The following PAPSS1 variants were observed in gnomAD, a reference collection of about 807,000 sequenced individuals.
PAPSS1 encodes bifunctional 3'-phosphoadenosine 5'-phosphosulfate synthase 1.
A neutral mutation model predicts 72.0 loss-of-function variants in PAPSS1; 50 were observed. That is an observed-to-expected ratio of 0.69 (90% CI 0.55 to 0.88). The LOEUF (loss-of-function observed/expected upper bound fraction) is 0.88. Among genes scored for constraint, PAPSS1 ranks in the 40% least tolerant of loss-of-function variants. The probability of loss-of-function intolerance (pLI) is 0.00; values close to 1 mark genes in which losing one functional copy is unlikely to be tolerated. For synonymous variants in PAPSS1, 261 were observed against 263.6 expected (o/e 0.99, Z 0.09); for missense variants, 657 against 782.2 (o/e 0.84, Z 1.91).
chr4:107,714,617 G>C (rs1430435435), intron 1 of PAPSS1, among the ~76,000 whole-genome samples: 2 of 152,156 alleles, frequency 1.3e-5, no homozygotes, highest in African/African-American at 4.8e-5. Context: ...TTTTACATTT[G>C]CATTTCAGAT....
At chr4:107,667,352 T>TC in intron 5 of PAPSS1, among the ~76,000 whole-genome samples, 1 of 152,268 alleles carries the variant, frequency 6.6e-6, no homozygotes, top group South Asian at 2.1e-4. Flanking sequence ...TAAAGCACTT[T>TC]ACTGAGTTCT....
chr4:107,704,642 G>A (rs1723289370), intron 1 of PAPSS1, among the ~76,000 whole-genome samples: 1 of 152,130 alleles, frequency 6.6e-6, no homozygotes, highest in South Asian at 2.1e-4. Flanking sequence ...TTAGTGTGGT[G>A]CATCACCTTT....
intron 11 of PAPSS1, among the ~76,000 whole-genome samples, chr4:107,619,229 T>A (rs533776538): frequency 6.6e-6 from 1 of 152,294 alleles, no homozygotes; most frequent in African/African-American, 2.4e-5. Flanking sequence ...AATCCAGAAG[T>A]TTGCTTGCAT....
chr4:107,651,877 C>T (rs1331107216), intron 9 of PAPSS1, among the ~76,000 whole-genome samples: 1 of 152,132 alleles, frequency 6.6e-6, no homozygotes, highest in Non-Finnish European at 1.5e-5. Flanking sequence ...AAATGTTATG[C>T]TTTAGGTACC....
chr4:107,691,924 T>A (rs1208079232), intron 3 of PAPSS1, among the ~76,000 whole-genome samples: 2 of 151,786 alleles, frequency 1.3e-5, no homozygotes. Flanking sequence ...TTGACAAACC[T>A]GACAAAAACA....
At chr4:107,654,604 C>T in intron 8 of PAPSS1, 91 bp downstream of exon 8, 1 of 994,306 alleles carries the variant, frequency 1.0e-6, no homozygotes, top group Non-Finnish European at 1.6e-6. Context: ...TTAACAATTC[C>T]AATGAAAAGT....
At chr4:107,683,318 G>A (rs915583313) in intron 4 of PAPSS1, among the ~76,000 whole-genome samples, 12 of 151,078 alleles carry the variant, frequency 7.9e-5, no homozygotes, top group African/African-American at 1.7e-4. Context: ...AAATTTCTGC[G>A]TTACCGGTAT....
intron 1 of PAPSS1, 184 bp downstream of exon 1, chr4:107,719,936 C>A (rs770817787): frequency 1.1e-4 from 145 of 1,380,926 alleles, no homozygotes; most frequent in Non-Finnish European, 1.3e-4. Flanking sequence ...CCCCACCCTG[C>A]GCCGCGCCCC....
At chr4:107,712,988 C>T (rs1350051192) in intron 1 of PAPSS1, among the ~76,000 whole-genome samples, 1 of 151,378 alleles carries the variant, frequency 6.6e-6, no homozygotes, top group Non-Finnish European at 1.5e-5. Flanking sequence ...TGCTCTGTTG[C>T]CCAGGCTGGA....
At chr4:107,623,878 C>T (rs2726145) in intron 11 of PAPSS1, among the ~76,000 whole-genome samples, 8,988 of 152,314 alleles carry the variant, frequency 0.059, 306 homozygotes, top group East Asian at 0.1. Flanking sequence ...TTATCATCAT[C>T]TTGTCAGATC....
intron 11 of PAPSS1, among the ~76,000 whole-genome samples, chr4:107,622,207 T>A (rs762644035): frequency 6.6e-6 from 1 of 152,192 alleles, no homozygotes; most frequent in African/African-American, 2.4e-5. Context: ...TTAAAAAAAA[T>A]GTCTTCAACG....
intron 1 of PAPSS1, among the ~76,000 whole-genome samples, chr4:107,710,093 T>C (rs949936912): frequency 2.0e-5 from 3 of 152,222 alleles, no homozygotes; most frequent in African/African-American, 7.2e-5. Context: ...AGCCAAATCC[T>C]TTCTATAATT....
At chr4:107,697,927 T>A (rs1484307027) in intron 2 of PAPSS1, among the ~76,000 whole-genome samples, 1 of 152,144 alleles carries the variant, frequency 6.6e-6, no homozygotes, top group Non-Finnish European at 1.5e-5. Flanking sequence ...ATTGGAGTGA[T>A]CCGTCCACAC....
chr4:107,653,162 C>T (rs1726901724), intron 9 of PAPSS1, among the ~76,000 whole-genome samples: 1 of 151,204 alleles, frequency 6.6e-6, no homozygotes, highest in African/African-American at 2.4e-5. Flanking sequence ...ATGTAAAACA[C>T]TCTGACATAT....
At chr4:107,630,284 C>T (rs938228323) in intron 11 of PAPSS1, among the ~76,000 whole-genome samples, 12 of 152,158 alleles carry the variant, frequency 7.9e-5, no homozygotes, top group East Asian at 1.9e-4. Context: ...AGTCCCCTCA[C>T]GTATGTTTGA....
chr4:107,685,741 T>C lies in PAPSS1; in HGVS notation c.550+1298A>G, dbSNP rs527441531. ...CTACAGCAGATGGAACCTGACCTAA[T>C]TGCCAAAGCATTCCCAGGTTCAAAT... is the stretch of plus-strand genomic sequence containing the variant. On this transcript the variant is annotated intron_variant, in intron 4 of 11. Transcript: ENST00000265174. Among the ~76,000 whole-genome samples, 3 of 152,296 alleles carry C rather than the reference T, an allele frequency of 2.0e-5. No homozygotes were observed. In the East Asian group the frequency reaches 5.8e-4, roughly 29 times the overall value.
At chr4:107,617,346 T>C (rs191614602) in intron 11 of PAPSS1, among the ~76,000 whole-genome samples, 135 of 152,184 alleles carry the variant, frequency 8.9e-4, no homozygotes, top group Middle Eastern at 3.4e-3. Flanking sequence ...AGATTCACTG[T>C]TAGCTCCAAT....
At chr4:107,626,294 A>T (rs1231865920) in intron 11 of PAPSS1, among the ~76,000 whole-genome samples, 2 of 152,030 alleles carry the variant, frequency 1.3e-5, no homozygotes, top group Non-Finnish European at 2.9e-5. Flanking sequence ...TCATTTACCC[A>T]TTTCCACAAG....
At chr4:107,678,296 T>C (rs928621744) in intron 5 of PAPSS1, among the ~76,000 whole-genome samples, 24 of 151,722 alleles carry the variant, frequency 1.6e-4, no homozygotes, top group African/African-American at 5.8e-4. Flanking sequence ...TATGCAAATT[T>C]CTAAGAAAAC....
Sources: gnomAD v4.1 joint callset for allele counts (sites outside exome capture counted in the v4.1 genomes callset) on GRCh38, gnomAD v4.1.1 for gene constraint, MANE v1.5 for transcripts, NCBI Gene and HGNC (gene_info 2026-07-23, HGNC 2026-07-21) for gene names.